The following CYP46A1 variants were observed in gnomAD, a reference collection of about 807,000 sequenced individuals.
The protein encoded by CYP46A1 is cytochrome P450 family 46 subfamily A member 1.
CYP46A1 carries 20 observed loss-of-function variants against 63.3 expected under a neutral mutation model. The observed-to-expected ratio is 0.32, with a 90% CI of 0.22 to 0.46. The LOEUF is 0.46. Among genes scored for constraint, CYP46A1 ranks in the 20% least tolerant of loss-of-function variants. CYP46A1 has a pLI of 1.00. For missense variants in CYP46A1, 445 were observed against 670.8 expected (o/e 0.66, Z 3.72); for synonymous variants, 268 against 273.6 (o/e 0.98, Z 0.20).
At chr14:99,684,734 G>C (rs1393913094) in intron 1 of CYP46A1, 198 bp downstream of exon 1, 1 of 648,658 alleles carries the variant, frequency 1.5e-6, no homozygotes, top group Non-Finnish European at 2.9e-6. Flanking sequence ...GGCGCCCACC[G>C]CGCACAGCTG....
At chr14:99,695,835 T>C (rs550272328) in intron 3 of CYP46A1, among the ~76,000 whole-genome samples, 6 of 152,216 alleles carry the variant, frequency 3.9e-5, no homozygotes, top group African/African-American at 1.2e-4. Flanking sequence ...TTCACCATGT[T>C]GGCCAGTCTA....
chr14:99,684,909 G>A (rs1023822617), intron 1 of CYP46A1: 7 of 352,580 alleles, frequency 2.0e-5, no homozygotes, highest in Non-Finnish European at 3.4e-5. Flanking sequence ...TCCAAAGTGG[G>A]CGCTGTTAAC....
chr14:99,714,238 T>C (rs1177617418), intron 7 of CYP46A1, among the ~76,000 whole-genome samples: 1 of 152,210 alleles, frequency 6.6e-6, no homozygotes, highest in Non-Finnish European at 1.5e-5. Context: ...CGGGTGAGGA[T>C]AGAGAGAAAT....
chr14:99,692,384 C>T (rs962927945), intron 3 of CYP46A1, among the ~76,000 whole-genome samples: 2 of 152,120 alleles, frequency 1.3e-5, no homozygotes, highest in Admixed American at 1.3e-4. Context: ...ACTAAAAATA[C>T]AAAAATTAGC....
At chr14:99,687,585 G>A (rs1046895263) in intron 1 of CYP46A1, among the ~76,000 whole-genome samples, 5 of 152,166 alleles carry the variant, frequency 3.3e-5, no homozygotes, top group Non-Finnish European at 4.4e-5. Flanking sequence ...TGGGTAGCCC[G>A]CTCCTCCACT....
rs1232342181 is a variant in CYP46A1 at position 99,684,307 on chromosome 14, C to G, written c.-111C>G. 2 of 517,602 alleles carry G rather than the reference C, an allele frequency of 3.9e-6. No homozygotes were observed. Among genetic ancestry groups the G allele is most frequent in the African/African-American group, 4.1e-5 (2 of 48,870 alleles). 32.1% of individuals were successfully genotyped at this position (517,602 alleles called of 1,614,324 possible). ...GGGCGGGGAGGGTGCTGGGTCGCGC[C>G]TGGCCTGGGGCCGAGGCGGCGCGCG... On this transcript the variant is annotated 5_prime_UTR_variant, in exon 1 of 15. Coordinates refer to ENST00000261835, the MANE Select transcript of CYP46A1 (RefSeq NM_006668.2).
intron 12 of CYP46A1, among the ~76,000 whole-genome samples, chr14:99,725,000 A>G (rs1017848636): frequency 1.3e-5 from 2 of 152,168 alleles, no homozygotes; most frequent in African/African-American, 2.4e-5. Flanking sequence ...GATCTAGAGG[A>G]AGTTGGCCTC....
chr14:99,686,985 G>A (rs187808614), intron 1 of CYP46A1, among the ~76,000 whole-genome samples: 5 of 152,314 alleles, frequency 3.3e-5, no homozygotes, highest in Admixed American at 6.5e-5. Flanking sequence ...TGTGGTTGAC[G>A]AGAGATCTGT....
intron 5 of CYP46A1, among the ~76,000 whole-genome samples, chr14:99,701,802 G>A (rs1015671717): frequency 7.2e-5 from 11 of 152,172 alleles, no homozygotes; most frequent in African/African-American, 2.4e-4. Context: ...AGGCGTGGTG[G>A]TTCATGCCTG....
In CYP46A1 at chr14:99,722,772, G is replaced by A. The variant is rs34640436; in HGVS notation, c.1176+706G>A. 0.09 allele frequency: 29,287 copies of A among 326,614 alleles called. 1,594 individuals carry two copies. Among genetic ancestry groups the A allele is most frequent in the Admixed American group, 0.12 (3,620 of 29,786 alleles). The allele number at this position is 326,614 out of a possible 1,614,324, so 20.2% of individuals were successfully genotyped here. A position where few individuals can be genotyped will look rare whatever the true frequency, so the allele number is the denominator to read the frequency against. ...TTTGTGTAGGTTTCTCCACAAGGCC[G>A]TAGGACAACCACCATCGCTGATCAG... is the stretch of plus-strand genomic sequence containing the variant. On this transcript the variant is annotated intron_variant, in intron 12 of 14. Coordinates refer to ENST00000261835, the MANE Select transcript of CYP46A1 (RefSeq NM_006668.2). This position sits in a 1 kb window ranked among gnomAD's most constrained non-coding sequence, Gnocchi z 4.6.
Position 99,722,180 on chromosome 14 carries a change from T to C in CYP46A1, c.1176+114T>C, listed in dbSNP as rs2056853891. 1 of 696,126 alleles carries C rather than the reference T, an allele frequency of 1.4e-6. No homozygotes were observed. The highest frequency in any genetic ancestry group is 2.4e-5 in the Admixed American group (1 of 41,866). The allele number at this position is 696,126 out of a possible 1,614,324, so 43.1% of individuals were successfully genotyped here. On this transcript the variant is annotated intron_variant, in intron 12 of 14. Coordinates refer to ENST00000261835, the MANE Select transcript of CYP46A1 (RefSeq NM_006668.2). This position sits in a 1 kb window ranked among gnomAD's most constrained non-coding sequence, Gnocchi z 4.6. The stretch of plus-strand genomic sequence containing the variant: ...CCTGTTCCCATCATTGCAACGGGCC[T>C]CACTGGCTGCCCTGGTCTTTCTCAT...
At chr14:99,707,497 T>C in intron 6 of CYP46A1, 71 bp from the exon 7 acceptor site, 8 of 1,235,974 alleles carry the variant, frequency 6.5e-6, no homozygotes, top group South Asian at 5.0e-5. Context: ...AGCAGAATGA[T>C]GCCAGGCTTT....
intron 7 of CYP46A1, chr14:99,711,699 C>T (rs1412075727): frequency 6.6e-6 from 1 of 152,000 alleles, no homozygotes; most frequent in African/African-American, 2.4e-5. Flanking sequence ...CTCCCAAACC[C>T]ATGAAGAAGA....
intron 1 of CYP46A1, among the ~76,000 whole-genome samples, chr14:99,685,725 G>A (rs190487271): frequency 6.6e-6 from 1 of 151,982 alleles, no homozygotes; most frequent in Non-Finnish European, 1.5e-5. Flanking sequence ...TTAGAAGCCT[G>A]AATCTCTGCT....
intron 7 of CYP46A1, among the ~76,000 whole-genome samples, 160 bp from the exon 8 acceptor site, chr14:99,715,650 G>C (rs1199064469): frequency 6.6e-6 from 1 of 152,182 alleles, no homozygotes; most frequent in African/African-American, 2.4e-5. Flanking sequence ...CTGCCATCTT[G>C]ATCCAGTCTC....
At chr14:99,684,619 G>C in intron 1 of CYP46A1, 83 bp downstream of exon 1, 1 of 1,259,870 alleles carries the variant, frequency 7.9e-7, no homozygotes, top group South Asian at 1.4e-5. Flanking sequence ...GTCCAGGCCG[G>C]GGGTCCGGCC....
chr14:99,706,816 G>GGA, intron 6 of CYP46A1, 31 bp downstream of exon 6: 2 of 1,608,476 alleles, frequency 1.2e-6, no homozygotes, highest in South Asian at 2.2e-5. Context: ...ATGGGGGCCA[G>GGA]GAGGGCCACA....
intron 3 of CYP46A1, among the ~76,000 whole-genome samples, chr14:99,695,681 A>G (rs560857244): frequency 3.3e-5 from 5 of 150,864 alleles, no homozygotes; most frequent in African/African-American, 1.2e-4. Context: ...CCCAAGCTAG[A>G]GTGCAATGGC....
intron 2 of CYP46A1, 152 bp from the exon 3 acceptor site, chr14:99,691,609 ACAGGGCAGAGCCTTGCCCC>A: frequency 1.6e-6 from 1 of 626,372 alleles, no homozygotes; most frequent in Non-Finnish European, 2.8e-6. Context: ...CAAGTGAGCA[ACAGGGCAGAGCCTTGCCCC>A]CAGGGCTCCT....
Sources: allele counts gnomAD v4.1 joint callset (sites outside exome capture counted in the v4.1 genomes callset), GRCh38; gene constraint gnomAD v4.1.1; non-coding constraint Gnocchi (gnomAD v3.1); transcripts MANE v1.5; gene names NCBI Gene and HGNC (gene_info 2026-07-23, HGNC 2026-07-21).